PRELID2: variants seen among roughly 807,000 people sequenced by gnomAD.
The protein encoded by PRELID2 is PRELI domain containing 2.
A neutral mutation model predicts 28.4 loss-of-function variants in PRELID2; 25 were observed. That is an observed-to-expected ratio of 0.88 (90% CI 0.64 to 1.23). PRELID2 has a LOEUF of 1.23. PRELID2 is among the 50% of genes most tolerant of loss of function. PRELID2 has a pLI of 0.00. For missense variants in PRELID2, 201 were observed against 214.4 expected (o/e 0.94, Z 0.39); for synonymous variants, 76 against 71.6 (o/e 1.06, Z -0.31).
chr5:145,661,666 TAAA>T (rs567073073), intron 1 of PRELID2, among the ~76,000 whole-genome samples: 3,983 of 97,152 alleles, frequency 0.041, 197 homozygotes, highest in African/African-American at 0.12. Flanking sequence ...AACAAGCCAT[TAAA>T]AAAAAAAAAA....
chr5:145,518,131 GAAGTATAATAATAAT>G (rs1396418726), intron 1 of PRELID2, among the ~76,000 whole-genome samples: 2 of 118,874 alleles, frequency 1.7e-5, no homozygotes, highest in East Asian at 6.5e-4. Context: ...CCCAGAACTT[GAAGTATAATAATAAT>G]AATAATAATA....
At chr5:145,291,337 G>GGAAA in the PRELID2 span, among the ~76,000 whole-genome samples, 1 of 41,742 alleles carries the variant, frequency 2.4e-5, no homozygotes, top group African/African-American at 8.0e-5. Context: ...CTCTGTTTCA[G>GGAAA]AAAAAAAAAA....
intron 1 of PRELID2, among the ~76,000 whole-genome samples, chr5:145,603,055 G>A (rs10072993): frequency 1 from 151,520 of 152,228 alleles, 75,410 homozygotes; most frequent in Middle Eastern, 1. Flanking sequence ...TCCATCTCAA[G>A]AAACGTGAAA....
the PRELID2 span, among the ~76,000 whole-genome samples, chr5:145,391,055 G>T: frequency 1.3e-5 from 2 of 152,174 alleles, no homozygotes; most frequent in Admixed American, 1.3e-4. Flanking sequence ...GCTTTGCAGG[G>T]TACAGCCCCC....
At chr5:145,509,366 C>T (rs1580962726) in intron 1 of PRELID2, among the ~76,000 whole-genome samples, 1 of 152,184 alleles carries the variant, frequency 6.6e-6, no homozygotes, top group African/African-American at 2.4e-5. Flanking sequence ...ATTTTCCAAA[C>T]CCATGCTCTC....
intron 1 of PRELID2, among the ~76,000 whole-genome samples, chr5:145,672,322 G>C (rs992288496): frequency 1.3e-5 from 2 of 152,084 alleles, no homozygotes; most frequent in Admixed American, 1.3e-4. Context: ...TGTTTGGATA[G>C]ACCTAGGCTG....
At chr5:145,533,462 T>C (rs1752672422) in intron 1 of PRELID2, among the ~76,000 whole-genome samples, 1 of 152,096 alleles carries the variant, frequency 6.6e-6, no homozygotes, top group Non-Finnish European at 1.5e-5. Context: ...ATACTAAAAA[T>C]CAAGGTGGAA....
chr5:145,372,672 T>G, the PRELID2 span, among the ~76,000 whole-genome samples: 4 of 151,522 alleles, frequency 2.6e-5, no homozygotes, highest in Non-Finnish European at 5.9e-5. Context: ...TTGCAACCCC[T>G]GCTTCCTTTT....
At chr5:145,417,744 T>C in the PRELID2 span, among the ~76,000 whole-genome samples, 254 of 152,214 alleles carry the variant, frequency 1.7e-3, no homozygotes, top group Middle Eastern at 3.4e-3. Context: ...AAGGGACATA[T>C]CTCAAAATAA....
the PRELID2 span, among the ~76,000 whole-genome samples, chr5:145,276,323 T>C: frequency 6.6e-6 from 1 of 152,146 alleles, no homozygotes; most frequent in Non-Finnish European, 1.5e-5. Context: ...TCATCTAAGT[T>C]GCTGTTCTCT....
chr5:145,821,271 G>T (rs998636363), intron 2 of PRELID2, among the ~76,000 whole-genome samples: 2 of 147,806 alleles, frequency 1.4e-5, no homozygotes, highest in Non-Finnish European at 3.0e-5. Context: ...GTGTGTGTAA[G>T]CCCTCTTCTG....
intron 1 of PRELID2, among the ~76,000 whole-genome samples, chr5:145,740,913 C>T (rs373245029): frequency 0.79 from 64,593 of 81,660 alleles, 25,838 homozygotes; most frequent in East Asian, 0.98. Flanking sequence ...TATATATGTA[C>T]ATATATTTAT....
intron 1 of PRELID2, among the ~76,000 whole-genome samples, chr5:145,647,092 T>C (rs1754209682): frequency 6.6e-6 from 1 of 152,166 alleles, no homozygotes; most frequent in Admixed American, 6.5e-5. Flanking sequence ...GGCTGGGACG[T>C]TTGGGTCTGC....
At chr5:145,372,517 A>G in the PRELID2 span, among the ~76,000 whole-genome samples, 2 of 151,918 alleles carry the variant, frequency 1.3e-5, no homozygotes, top group Admixed American at 6.6e-5. Flanking sequence ...TTGTTTTATG[A>G]ATCTGGGTGC....
the PRELID2 span, among the ~76,000 whole-genome samples, chr5:145,361,447 C>A: frequency 6.6e-6 from 1 of 152,150 alleles, no homozygotes; most frequent in Non-Finnish European, 1.5e-5. Context: ...CTGCTGAGTT[C>A]CTTCAAACAG....
intron 1 of PRELID2, among the ~76,000 whole-genome samples, chr5:145,617,614 C>T (rs539357976): frequency 5.3e-5 from 8 of 152,168 alleles, no homozygotes; most frequent in South Asian, 2.1e-4. Flanking sequence ...TGTCTTCAAG[C>T]GCTGAATTTC....
At chr5:145,257,242 G>C in the PRELID2 span, among the ~76,000 whole-genome samples, 47 of 150,322 alleles carry the variant, frequency 3.1e-4, no homozygotes, top group East Asian at 8.9e-3. Flanking sequence ...TGAGTCAGCA[G>C]AGCAGTAACT....
chr5:145,818,745 C>T (rs2087562), intron 3 of PRELID2, among the ~76,000 whole-genome samples: 80,936 of 152,054 alleles, frequency 0.53, 24,106 homozygotes, highest in Non-Finnish European at 0.68. Context: ...AAGAATGTGA[C>T]AGTCTTTTAA....
the PRELID2 span, among the ~76,000 whole-genome samples, chr5:145,259,779 G>A: frequency 1.3e-5 from 2 of 152,226 alleles, no homozygotes; most frequent in Non-Finnish European, 2.9e-5. Context: ...GAATTATTTA[G>A]GAATTTGGAG....
Sources: allele counts gnomAD v4.1 joint callset (sites outside exome capture counted in the v4.1 genomes callset), GRCh38; gene constraint gnomAD v4.1.1; transcripts MANE v1.5; gene names NCBI Gene and HGNC (gene_info 2026-07-23, HGNC 2026-07-21).